The following UVRAG variants were observed in gnomAD, a reference collection of about 807,000 sequenced individuals.
UVRAG encodes the protein UV radiation resistance associated, also known as UV radiation resistance-associated gene protein.
A neutral mutation model predicts 78.0 loss-of-function variants in UVRAG; 19 were observed. The ratio of observed to expected loss-of-function variants is 0.24; its 90% confidence interval spans 0.17 to 0.36. The LOEUF (loss-of-function observed/expected upper bound fraction) is 0.36, where lower values mean the gene tolerates loss of function less well. Among genes scored for constraint, UVRAG ranks in the 10% least tolerant of loss-of-function variants. UVRAG has a pLI of 1.00. For synonymous variants in UVRAG, 323 were observed against 324.6 expected (o/e 1.00, Z 0.05); for missense variants, 740 against 853.8 (o/e 0.87, Z 1.66).
chr11:76,058,909 A>G (rs930890776), intron 12 of UVRAG, among the ~76,000 whole-genome samples: 2 of 152,234 alleles, frequency 1.3e-5, no homozygotes, highest in Non-Finnish European at 2.9e-5. Flanking sequence ...TTCGAGAAGT[A>G]AGTAAAGGCA....
chr11:75,993,297 C>T (rs1403719732), intron 8 of UVRAG, among the ~76,000 whole-genome samples: 2 of 152,180 alleles, frequency 1.3e-5, no homozygotes, highest in East Asian at 1.9e-4. Flanking sequence ...TGAGTGGTCA[C>T]ATAACTCCAA....
chr11:75,961,290 C>T (rs538189216), intron 6 of UVRAG, among the ~76,000 whole-genome samples, 154 bp from the exon 7 acceptor site: 3 of 152,062 alleles, frequency 2.0e-5, no homozygotes, highest in South Asian at 2.1e-4. Context: ...TTATTGTATT[C>T]CCTGTTATTT....
chr11:75,973,343 A>G (rs1283607446), intron 7 of UVRAG, among the ~76,000 whole-genome samples: 1 of 152,208 alleles, frequency 6.6e-6, no homozygotes, highest in Non-Finnish European at 1.5e-5. Context: ...GATGAATTAC[A>G]TTAACTGCTC....
intron 14 of UVRAG, among the ~76,000 whole-genome samples, chr11:76,121,472 G>A (rs1591260524): frequency 1.3e-5 from 2 of 152,330 alleles, no homozygotes; most frequent in South Asian, 4.1e-4. Flanking sequence ...AGTGATCTGA[G>A]ACTCAGATTG....
intron 12 of UVRAG, among the ~76,000 whole-genome samples, chr11:76,052,674 G>A (rs1364509735): frequency 5.3e-5 from 8 of 152,154 alleles, no homozygotes; most frequent in Admixed American, 5.2e-4. Context: ...TACATTAGCA[G>A]TTTGTCTGAG....
rs376372348 is a variant in UVRAG, at chr11:76,050,978, A to G, written c.1227-14732A>G. On this transcript the variant is annotated intron_variant, in intron 12 of 14. Transcript: ENST00000356136. Reference sequence around the variant, plus strand: ...GCCTTTCTCCTCTTCTCATCTCAAAATAGGTATCAGCACAAAAATTAAATA... The same window carrying G: ...GCCTTTCTCCTCTTCTCATCTCAAAGTAGGTATCAGCACAAAAATTAAATA... Among the ~76,000 whole-genome samples the G allele has an allele frequency of 3.3e-5, 5 of 152,318 alleles. No homozygotes were observed. The East Asian group carries it at 7.7e-4, about 23-fold the overall frequency.
chr11:76,073,175 A>G (rs1349404424), intron 13 of UVRAG, among the ~76,000 whole-genome samples: 3 of 152,206 alleles, frequency 2.0e-5, no homozygotes, highest in Admixed American at 2.0e-4. Flanking sequence ...CTGAGTGCAC[A>G]CCTTCTTAAT....
In UVRAG at chr11:76,027,727, T is replaced by C. The variant is rs545692786; in HGVS notation, c.1226+10747T>C. Among the ~76,000 whole-genome samples, 38 of 152,270 alleles carry C rather than the reference T, an allele frequency of 2.5e-4. No individual in the cohort carries two copies. The South Asian group carries it at 7.9e-3, about 32-fold the overall frequency. On this transcript the variant is annotated intron_variant, in intron 12 of 14. Transcript: ENST00000356136. ...CTTTGCAATAGGAATCCTAGGCATG[T>C]AAGTTTTTATTCTGTGTGCTAGATA...
At chr11:75,990,140 A>G (rs553987873) in intron 8 of UVRAG, among the ~76,000 whole-genome samples, 2 of 152,340 alleles carry the variant, frequency 1.3e-5, no homozygotes, top group East Asian at 3.9e-4. Context: ...TATAGTTTAC[A>G]TTACAAAGAA....
In UVRAG at chr11:76,055,092, G is replaced by A. The variant is rs185190634; in HGVS notation, c.1227-10618G>A. On this transcript the variant is annotated intron_variant, in intron 12 of 14. Coordinates refer to ENST00000356136, the MANE Select transcript of UVRAG (RefSeq NM_003369.4). ...TGCCTACGATTAATCCTGTCACTCA[G>A]ACTGGAGTGCAGTGGTGTGATCTCA... Among the ~76,000 whole-genome samples the A allele has an allele frequency of 6.6e-5, 10 of 152,254 alleles. No individual in the cohort carries two copies. In the South Asian group the frequency reaches 2.1e-3, roughly 32 times the overall value.
chr11:76,013,324 T>C (rs1950089336), intron 11 of UVRAG, among the ~76,000 whole-genome samples: 1 of 152,194 alleles, frequency 6.6e-6, no homozygotes, highest in South Asian at 2.1e-4. Flanking sequence ...AACTGGGTTT[T>C]AATTTTATTT....
chr11:76,084,327 G>A (rs1951547378), intron 13 of UVRAG, among the ~76,000 whole-genome samples: 1 of 152,036 alleles, frequency 6.6e-6, no homozygotes, highest in Admixed American at 6.6e-5. Context: ...TTCTATAAAG[G>A]CGGTATTAAT....
intron 5 of UVRAG, among the ~76,000 whole-genome samples, chr11:75,908,239 G>A (rs558807346): frequency 2.6e-5 from 4 of 152,198 alleles, no homozygotes; most frequent in South Asian, 2.1e-4. Context: ...ATGTTTTAGC[G>A]TGTGTCAGAA....
At chr11:76,018,793 A>C (rs1379754765) in intron 12 of UVRAG, among the ~76,000 whole-genome samples, 1 of 151,610 alleles carries the variant, frequency 6.6e-6, no homozygotes, top group Non-Finnish European at 1.5e-5. Context: ...GACCTTTGGG[A>C]GTTTGATTGT....
At chr11:75,830,567 G>A (rs112644609) in intron 1 of UVRAG, among the ~76,000 whole-genome samples, 3,989 of 152,160 alleles carry the variant, frequency 0.026, 165 homozygotes, top group African/African-American at 0.087. Context: ...CACTGCGCCC[G>A]GCCGTAAGTA....
At chr11:75,930,418 ACT>A (rs1948209210) in intron 6 of UVRAG, among the ~76,000 whole-genome samples, 1 of 152,208 alleles carries the variant, frequency 6.6e-6, no homozygotes, top group Non-Finnish European at 1.5e-5. Flanking sequence ...GAAAAGTAAG[ACT>A]GGTGAAATAG....
chr11:75,856,930 T>C (rs1946305017), intron 2 of UVRAG, among the ~76,000 whole-genome samples: 1 of 152,200 alleles, frequency 6.6e-6, no homozygotes, highest in Admixed American at 6.5e-5. Flanking sequence ...TATCAGAAAA[T>C]GGCAACTCCA....
chr11:75,981,035 G>A (rs1949381102), intron 7 of UVRAG, among the ~76,000 whole-genome samples: 2 of 152,026 alleles, frequency 1.3e-5, no homozygotes, highest in Admixed American at 1.3e-4. Context: ...TGATTTTTCT[G>A]TATTGGATTT....
chr11:76,054,946 C>A (rs559196226), intron 12 of UVRAG, among the ~76,000 whole-genome samples: 1 of 152,338 alleles, frequency 6.6e-6, no homozygotes, highest in South Asian at 2.1e-4. Context: ...GTAAGTAAAT[C>A]ATTTATTGAT....
Sources: allele counts gnomAD v4.1 joint callset (sites outside exome capture counted in the v4.1 genomes callset), GRCh38; gene constraint gnomAD v4.1.1; transcripts MANE v1.5; gene names NCBI Gene and HGNC (gene_info 2026-07-23, HGNC 2026-07-21).